Variants in RNF150 observed in about 807,000 individuals in gnomAD.
RNF150 encodes ring finger protein 150.
Under a neutral mutation model 39.3 loss-of-function variants are expected in RNF150, and 24 were observed. That is an observed-to-expected ratio of 0.61 (90% CI 0.44 to 0.86). The LOEUF (loss-of-function observed/expected upper bound fraction) is 0.86. RNF150 is among the 40% of genes least tolerant of loss of function. The probability of loss-of-function intolerance (pLI) is 0.00; values close to 1 mark genes in which losing one functional copy is unlikely to be tolerated. For synonymous variants in RNF150, 255 were observed against 227.3 expected (o/e 1.12, Z -1.10); for missense variants, 502 against 587.8 (o/e 0.85, Z 1.51).
chr4:141,161,747 A>T (rs1039092162), intron 1 of RNF150, among the ~76,000 whole-genome samples: 20 of 152,184 alleles, frequency 1.3e-4, no homozygotes, highest in African/African-American at 4.8e-4. Flanking sequence ...TGTGGCTCAA[A>T]GGGGCCCAGG....
chr4:141,093,223 G>A (rs1023486125), intron 1 of RNF150, among the ~76,000 whole-genome samples: 21 of 151,998 alleles, frequency 1.4e-4, no homozygotes, highest in Admixed American at 2.0e-4. Flanking sequence ...AGAATTGGCC[G>A]GGCATGGTGG....
intron 1 of RNF150, among the ~76,000 whole-genome samples, chr4:140,970,473 C>CCA (rs1733422322): frequency 7.4e-6 from 1 of 134,734 alleles, no homozygotes; most frequent in Non-Finnish European, 1.6e-5. Context: ...TATCCCCCTC[C>CCA]CCACCCATAC....
intron 2 of RNF150, among the ~76,000 whole-genome samples, chr4:140,958,218 T>C (rs1045269205): frequency 6.6e-6 from 1 of 152,130 alleles, no homozygotes; most frequent in Admixed American, 6.6e-5. Flanking sequence ...TATAAGGGAC[T>C]GTAGATTTTG....
At position 141,067,656 on chromosome 4, in the gene RNF150, A is replaced by G. The variant is rs111875966; in HGVS notation, c.484+64669T>C. On this transcript the variant is annotated intron_variant, in intron 1 of 6. Transcript: ENST00000515673. Reference sequence around the variant, plus strand: ...TGATCTACATTGGTTTTCTCGACCAATCAATACCACCTCATAATTATTTGG... The same window carrying G: ...TGATCTACATTGGTTTTCTCGACCAGTCAATACCACCTCATAATTATTTGG... Among the ~76,000 whole-genome samples the G allele has an allele frequency of 2.2e-3, 341 of 152,318 alleles. 3 individuals are homozygous for G. The highest frequency in any genetic ancestry group is 7.9e-3 in the African/African-American group (330 of 41,568).
At chr4:140,934,198 C>A (rs892524246) in intron 4 of RNF150, among the ~76,000 whole-genome samples, 2 of 152,086 alleles carry the variant, frequency 1.3e-5, no homozygotes, top group African/African-American at 4.8e-5. Context: ...TTTGTAGAGA[C>A]AGGGTTTTGC....
intron 6 of RNF150, among the ~76,000 whole-genome samples, chr4:140,899,794 T>C (rs933212646): frequency 6.6e-6 from 1 of 150,560 alleles, no homozygotes; most frequent in Non-Finnish European, 1.5e-5. Context: ...TCAGCTGCAA[T>C]ATATTTTCTT....
intron 1 of RNF150, among the ~76,000 whole-genome samples, chr4:141,173,751 G>A (rs879449398): frequency 2.6e-5 from 4 of 152,064 alleles, no homozygotes; most frequent in Admixed American, 1.3e-4. Flanking sequence ...GGAACTCCAA[G>A]GTGTCTTTAT....
At chr4:141,192,573 A>C (rs1448602437) in intron 1 of RNF150, among the ~76,000 whole-genome samples, 1 of 152,206 alleles carries the variant, frequency 6.6e-6, no homozygotes, top group Non-Finnish European at 1.5e-5. Flanking sequence ...TCTGAGACAC[A>C]ACAGAGACTC....
intron 1 of RNF150, among the ~76,000 whole-genome samples, chr4:141,029,850 G>A (rs1298522207): frequency 6.6e-6 from 1 of 152,004 alleles, no homozygotes; most frequent in African/African-American, 2.4e-5. Flanking sequence ...CTAAAAAATG[G>A]GCAAATGACT....
At position 141,170,935 on chromosome 4, in the gene RNF150, C is replaced by T. The variant is rs544022099; in HGVS notation, c.-6+41859G>A. On this transcript the variant is annotated intron_variant, in intron 1 of 7. Coordinates refer to the RNF150 transcript ENST00000420921. ...AGTTGTTCCAAGGCTGATTTTTAGT[C>T]CATAACACATATTAATGCACAGTAC... 2.0e-5 allele frequency among the ~76,000 whole-genome samples: 3 copies of T among 152,212 alleles called. No individual in the cohort carries two copies. In the East Asian group the frequency reaches 5.8e-4, roughly 29 times the overall value.
chr4:140,890,476 C>T (rs1270179530), intron 6 of RNF150, among the ~76,000 whole-genome samples: 1 of 152,072 alleles, frequency 6.6e-6, no homozygotes, highest in Non-Finnish European at 1.5e-5. Context: ...GCTTAAACCC[C>T]AATATAATGA....
chr4:140,920,314 C>A, intron 5 of RNF150, among the ~76,000 whole-genome samples: 1 of 131,054 alleles, frequency 7.6e-6, no homozygotes, highest in Non-Finnish European at 1.6e-5. Context: ...TATCCAGAAT[C>A]TACAATGAAC....
At chr4:141,098,191 G>A (rs894613607) in intron 1 of RNF150, among the ~76,000 whole-genome samples, 4 of 152,146 alleles carry the variant, frequency 2.6e-5, no homozygotes, top group Non-Finnish European at 5.9e-5. Context: ...CTTACTTTGG[G>A]TTCCTTCACA....
chr4:140,995,820 T>C (rs1487884720), intron 1 of RNF150, among the ~76,000 whole-genome samples: 6 of 152,202 alleles, frequency 3.9e-5, no homozygotes, highest in African/African-American at 9.7e-5. Flanking sequence ...TCTTTTTTTA[T>C]GGCTGAATAG....
intron 1 of RNF150, among the ~76,000 whole-genome samples, chr4:141,108,416 T>G (rs1739282129): frequency 6.6e-6 from 1 of 152,194 alleles, no homozygotes; most frequent in South Asian, 2.1e-4. Context: ...TATTTTACAG[T>G]TATATAGTTA....
chr4:141,025,530 T>C (rs1237063931), intron 1 of RNF150, among the ~76,000 whole-genome samples: 2 of 151,686 alleles, frequency 1.3e-5, no homozygotes, highest in African/African-American at 2.4e-5. Flanking sequence ...AGGTGAAAGC[T>C]GAAAAAAAAT....
intron 6 of RNF150, among the ~76,000 whole-genome samples, chr4:140,875,871 C>T (rs1014863237): frequency 6.6e-6 from 1 of 152,134 alleles, no homozygotes; most frequent in Middle Eastern, 3.2e-3. Context: ...CTATCCTTCC[C>T]TGAATGAGGT....
rs112242986 is a variant in RNF150, at chr4:141,015,677, A to G, written c.485-47804T>C. On this transcript the variant is annotated intron_variant, in intron 1 of 6. Coordinates refer to ENST00000515673, the MANE Select transcript of RNF150 (RefSeq NM_020724.2). ...GGAGTCTTTAGGGTTTTCTATATATAAGATCATGTCATCAGCAAATAGAGA... is the reference window on the plus strand; with the variant it reads ...GGAGTCTTTAGGGTTTTCTATATATGAGATCATGTCATCAGCAAATAGAGA... Among the ~76,000 whole-genome samples the G allele has an allele frequency of 4.7e-3, 711 of 152,260 alleles. 5 individuals are homozygous for G. The highest frequency in any genetic ancestry group is 0.016 in the African/African-American group (685 of 41,536).
chr4:141,068,293 A>T (rs1470464665), intron 1 of RNF150, among the ~76,000 whole-genome samples: 1 of 152,170 alleles, frequency 6.6e-6, no homozygotes, highest in African/African-American at 2.4e-5. Context: ...CACTCAAATT[A>T]TATAGCAAGT....
Sources: allele counts gnomAD v4.1 joint callset (sites outside exome capture counted in the v4.1 genomes callset), GRCh38; gene constraint gnomAD v4.1.1; transcripts MANE v1.5; gene names NCBI Gene and HGNC (gene_info 2026-07-23, HGNC 2026-07-21).